The following WHRN variants were observed in gnomAD, a reference collection of about 807,000 sequenced individuals.
WHRN encodes the protein CASK-interacting protein CIP98.
A neutral mutation model predicts 68.3 loss-of-function variants in WHRN; 41 were observed. That is an observed-to-expected ratio of 0.60 (90% CI 0.47 to 0.78). The LOEUF (loss-of-function observed/expected upper bound fraction) is 0.78, where lower values mean the gene tolerates loss of function less well. Ranked by LOEUF, WHRN falls within the 30% of genes least tolerant of loss-of-function variation. The pLI, the probability that WHRN is intolerant of heterozygous loss-of-function variation, is 0.00. For missense variants in WHRN, 1,243 were observed against 1,244.7 expected (o/e 1.00, Z 0.02); for synonymous variants, 560 against 561.3 (o/e 1.00, Z 0.03).
At chr9:114,474,772 T>C (rs1589222487) in intron 2 of WHRN, among the ~76,000 whole-genome samples, 2 of 152,078 alleles carry the variant, frequency 1.3e-5, no homozygotes, top group African/African-American at 4.8e-5. Context: ...TGCCACAAAC[T>C]TGCCTCCTCA....
Position 114,444,140 on chromosome 9 carries a change from TC to T in WHRN, c.964-17728del, listed in dbSNP as rs541201585. Among the ~76,000 whole-genome samples the T allele has an allele frequency of 3.6e-3, 552 of 152,248 alleles. 1 individual carries two copies. Among genetic ancestry groups the T allele is most frequent in the African/African-American group, 0.013 (529 of 41,532 alleles). On this transcript the variant is annotated intron_variant, in intron 3 of 11. Transcript: ENST00000362057. Reference sequence around the variant, plus strand: ...GGGGACACAGCCAATCCATATTAACTCCCGTACCCCATCTAGATGAGGAAGG... The same window carrying T: ...GGGGACACAGCCAATCCATATTAACTCCGTACCCCATCTAGATGAGGAAGG...
At position 114,499,650 on chromosome 9, in the gene WHRN, T is replaced by C. The variant is rs574712357; in HGVS notation, c.618+4534A>G. ...TATGACTCTGAGGAGACTGTACATG[T>C]GATTCAAGCTTGAGCAGTCAGGCAC... On this transcript the variant is annotated intron_variant, in intron 1 of 11. Coordinates refer to ENST00000362057, the MANE Select transcript of WHRN (RefSeq NM_015404.4). 5.8e-4 allele frequency among the ~76,000 whole-genome samples: 89 copies of C among 152,312 alleles called. 1 individual carries two copies. The highest frequency in any genetic ancestry group is 2.1e-3 in the African/African-American group (86 of 41,574).
intron 7 of WHRN, among the ~76,000 whole-genome samples, chr9:114,416,412 T>G (rs903852007): frequency 3.9e-5 from 6 of 152,230 alleles, no homozygotes; most frequent in Non-Finnish European, 7.3e-5. Context: ...TAATCCCCAG[T>G]GTTGGGGGAG....
intron 7 of WHRN, among the ~76,000 whole-genome samples, chr9:114,414,449 C>A (rs1041206901): frequency 6.6e-6 from 1 of 152,212 alleles, no homozygotes; most frequent in Non-Finnish European, 1.5e-5. Context: ...CACCAGCCTG[C>A]CAGAGGGGTC....
intron 3 of WHRN, among the ~76,000 whole-genome samples, chr9:114,434,007 G>C (rs1301310120): frequency 1.3e-5 from 2 of 152,228 alleles, no homozygotes; most frequent in Admixed American, 1.3e-4. Flanking sequence ...ACTGAGGCCA[G>C]AAAGGGGAAA....
chr9:114,409,515 C>T lies in WHRN; in HGVS notation c.1627-1497G>A, dbSNP rs1379873867. Among the ~76,000 whole-genome samples, 3 of 152,144 alleles carry T rather than the reference C, an allele frequency of 2.0e-5. No individual in the cohort carries two copies. In the East Asian group the frequency reaches 5.8e-4, roughly 29 times the overall value. On this transcript the variant is annotated intron_variant, in intron 7 of 11. Transcript: ENST00000362057. ...GGAATGGAGATAGGATGTTTGAGAA[C>T]CCCCGAGCAGCTCCACAGAAGTCAA... is the stretch of plus-strand genomic sequence containing the variant.
chr9:114,501,618 T>C (rs1026866866), intron 1 of WHRN, among the ~76,000 whole-genome samples: 2 of 150,588 alleles, frequency 1.3e-5, no homozygotes, highest in Non-Finnish European at 3.0e-5. Context: ...GCTCAGAGGA[T>C]CTCCTCCCCC....
At chr9:114,460,904 T>G (rs1840193344) in intron 3 of WHRN, among the ~76,000 whole-genome samples, 1 of 152,256 alleles carries the variant, frequency 6.6e-6, no homozygotes, top group African/African-American at 2.4e-5. Flanking sequence ...TCAATATGCC[T>G]AATTCCACTG....
chr9:114,501,848 G>A (rs1197521643), intron 1 of WHRN, among the ~76,000 whole-genome samples: 1 of 152,182 alleles, frequency 6.6e-6, no homozygotes, highest in Non-Finnish European at 1.5e-5. Context: ...ACGGCTCCCC[G>A]TGGAGAAATC....
chr9:114,413,456 G>A lies in WHRN; in HGVS notation c.1627-5438C>T, dbSNP rs530671662. On this transcript the variant is annotated intron_variant, in intron 7 of 11. Transcript: ENST00000362057. ...GAAGTCCTGGCATTCCTGGGGGGCA[G>A]TGGGGCTCCCCAGAGTGAAGGGTCA... Among the ~76,000 whole-genome samples the A allele has an allele frequency of 1.2e-4, 18 of 152,314 alleles. No homozygotes were observed. The South Asian group carries it at 3.7e-3, about 32-fold the overall frequency.
At chr9:114,451,790 T>G (rs1174231912) in intron 3 of WHRN, among the ~76,000 whole-genome samples, 2 of 152,240 alleles carry the variant, frequency 1.3e-5, no homozygotes, top group African/African-American at 4.8e-5. Flanking sequence ...GGGACTTCTG[T>G]GACTAAGTGC....
In WHRN at chr9:114,444,967, T is replaced by C. The variant is rs1838697373; in HGVS notation, c.964-18554A>G. Among the ~76,000 whole-genome samples the C allele has an allele frequency of 2.0e-5, 3 of 152,200 alleles. No homozygotes were observed. In the South Asian group the frequency reaches 6.2e-4, roughly 32 times the overall value. ...TACAACAAAATTGTGGCACTAGTTTTCCCTAAGTGTAGGGTTTTCTCTGTT... is the reference window on the plus strand; with the variant it reads ...TACAACAAAATTGTGGCACTAGTTTCCCCTAAGTGTAGGGTTTTCTCTGTT... On this transcript the variant is annotated intron_variant, in intron 3 of 11. Transcript: ENST00000362057.
chr9:114,481,674 CCTT>C (rs1842102208), intron 1 of WHRN, among the ~76,000 whole-genome samples: 1 of 152,222 alleles, frequency 6.6e-6, no homozygotes, highest in African/African-American at 2.4e-5. Flanking sequence ...CGGCCTGCCT[CCTT>C]CTCTGCTCCT....
chr9:114,465,337 T>C (rs1396130575), intron 3 of WHRN, among the ~76,000 whole-genome samples: 1 of 152,144 alleles, frequency 6.6e-6, no homozygotes, highest in East Asian at 1.9e-4. Context: ...TGTGCTTCAT[T>C]CCCCTGGCTT....
chr9:114,438,167 G>A (rs1405547629), intron 3 of WHRN, among the ~76,000 whole-genome samples: 1 of 152,034 alleles, frequency 6.6e-6, no homozygotes, highest in Non-Finnish European at 1.5e-5. Flanking sequence ...CCTGGGAGGC[G>A]AAGGTTGCAG....
intron 11 of WHRN, 96 bp downstream of exon 11, chr9:114,403,120 GC>G (rs898593593): frequency 6.3e-7 from 1 of 1,575,126 alleles, no homozygotes; most frequent in African/African-American, 1.3e-5. Context: ...GCCCTTGAGT[GC>G]CGTGTTACCC....
intron 1 of WHRN, among the ~76,000 whole-genome samples, chr9:114,479,764 T>C (rs1841957779): frequency 6.6e-6 from 1 of 152,204 alleles, no homozygotes; most frequent in South Asian, 2.1e-4. Flanking sequence ...ACACAGTGAG[T>C]AAGAAGTTCC....
chr9:114,416,887 A>T lies in WHRN; in HGVS notation c.1626+6427T>A, dbSNP rs369576227. Among the ~76,000 whole-genome samples, 4 of 152,336 alleles carry T rather than the reference A, an allele frequency of 2.6e-5. No individual in the cohort carries two copies. The East Asian group carries it at 5.8e-4, about 22-fold the overall frequency. On this transcript the variant is annotated intron_variant, in intron 7 of 11. Coordinates refer to ENST00000362057, the MANE Select transcript of WHRN (RefSeq NM_015404.4). ...ACAGATGCAGAAATGGAGGCCCAGA[A>T]GACACAAGTCATCTGCCCAAGGTGA...
chr9:114,496,832 T>G (rs901383559), intron 1 of WHRN, among the ~76,000 whole-genome samples: 1 of 152,230 alleles, frequency 6.6e-6, no homozygotes, highest in Non-Finnish European at 1.5e-5. Context: ...ACCTCTTGGG[T>G]ACATACCACC....
Sources: gnomAD v4.1 joint callset for allele counts (sites outside exome capture counted in the v4.1 genomes callset) on GRCh38, gnomAD v4.1.1 for gene constraint, MANE v1.5 for transcripts, NCBI Gene and HGNC (gene_info 2026-07-23, HGNC 2026-07-21) for gene names.